The following KCNQ5 variants were observed in gnomAD, a reference collection of about 807,000 sequenced individuals.
KCNQ5 encodes potassium voltage-gated channel subfamily Q member 5.
A neutral mutation model predicts 98.2 loss-of-function variants in KCNQ5; 30 were observed. The ratio of observed to expected loss-of-function variants is 0.31; its 90% CI spans 0.23 to 0.41. The LOEUF (loss-of-function observed/expected upper bound fraction) is 0.41. Among genes scored for constraint, KCNQ5 ranks in the 10% least tolerant of loss-of-function variants. KCNQ5 has a pLI of 1.00. For synonymous variants in KCNQ5, 458 were observed against 449.4 expected (o/e 1.02, Z -0.24); for missense variants, 835 against 1,182.5 (o/e 0.71, Z 4.31).
At chr6:72,955,698 G>A (rs1767008655) in intron 1 of KCNQ5, among the ~76,000 whole-genome samples, 1 of 152,102 alleles carries the variant, frequency 6.6e-6, no homozygotes, top group Non-Finnish European at 1.5e-5. Context: ...TTTGCATTTT[G>A]TACTTTGAAA....
chr6:73,081,542 C>A (rs1047642589), intron 5 of KCNQ5, among the ~76,000 whole-genome samples: 3 of 152,072 alleles, frequency 2.0e-5, no homozygotes, highest in South Asian at 2.1e-4. Context: ...TTGAGTGAGA[C>A]CCTGCCTCAA....
At chr6:72,729,929 G>A (rs1273889978) in intron 1 of KCNQ5, among the ~76,000 whole-genome samples, 5 of 152,194 alleles carry the variant, frequency 3.3e-5, no homozygotes, top group Non-Finnish European at 7.3e-5. Context: ...GGGAGGCCGA[G>A]GTGGGAGGAA....
chr6:72,738,192 A>G (rs185364711), intron 1 of KCNQ5, among the ~76,000 whole-genome samples: 19 of 152,156 alleles, frequency 1.2e-4, no homozygotes, highest in African/African-American at 3.9e-4. Flanking sequence ...TGGGTGAAAA[A>G]ACTTTGAAAA....
intron 2 of KCNQ5, among the ~76,000 whole-genome samples, chr6:73,026,337 T>C (rs1449257763): frequency 6.6e-6 from 1 of 152,200 alleles, no homozygotes; most frequent in Non-Finnish European, 1.5e-5. Context: ...TTTTACCCAG[T>C]CTACTTCAGC....
chr6:72,627,055 G>A (rs1452330422), intron 1 of KCNQ5, among the ~76,000 whole-genome samples: 4 of 152,134 alleles, frequency 2.6e-5, no homozygotes, highest in African/African-American at 9.7e-5. Flanking sequence ...TAAGTGGTGG[G>A]AACATAGCAG....
At chr6:73,160,493 C>T (rs1777577396) in intron 10 of KCNQ5, among the ~76,000 whole-genome samples, 1 of 152,206 alleles carries the variant, frequency 6.6e-6, no homozygotes, top group Non-Finnish European at 1.5e-5. Context: ...CTGAGGCCTT[C>T]AAGCTCAATT....
chr6:72,964,971 T>G, intron 1 of KCNQ5, among the ~76,000 whole-genome samples: 1 of 152,338 alleles, frequency 6.6e-6, no homozygotes, highest in East Asian at 1.9e-4. Context: ...GGTTTACGTT[T>G]TATTTATCTA....
chr6:72,983,694 T>C lies in KCNQ5; in HGVS notation c.399-20214T>C, dbSNP rs148526924. Among the ~76,000 whole-genome samples the C allele has an allele frequency of 5.9e-3, 892 of 152,354 alleles. 10 individuals carry two copies. Among genetic ancestry groups the C allele is most frequent in the South Asian group, 0.045 (216 of 4,824 alleles). ...TTCTGCCAACTTGTCAAAGTCATTC[T>C]CTGTCCAGTTTTGTTCCATTGCTGG... is the stretch of plus-strand genomic sequence containing the variant. On this transcript the variant is annotated intron_variant, in intron 1 of 13. Coordinates refer to ENST00000370398, the MANE Select transcript of KCNQ5 (RefSeq NM_019842.4).
At chr6:72,641,129 T>A (rs759445053) in intron 1 of KCNQ5, among the ~76,000 whole-genome samples, 10 of 152,142 alleles carry the variant, frequency 6.6e-5, no homozygotes, top group Non-Finnish European at 1.3e-4. Context: ...CTTTAAAGGA[T>A]CTAATAAGTG....
At chr6:73,036,152 C>T (rs770280418) in intron 2 of KCNQ5, among the ~76,000 whole-genome samples, 4 of 151,640 alleles carry the variant, frequency 2.6e-5, no homozygotes, top group South Asian at 2.1e-4. Flanking sequence ...TTTGGGAGGC[C>T]GAGGCAGGCA....
Position 73,120,504 on chromosome 6 carries a change from G to T in KCNQ5, c.1147G>T (p.Ala383Ser). ...GCAGTGTGTTTGGCGTAGTTACGCA[G>T]CTGATGAGAAATCTGTTTCCATTGC... ...LIQCVWRSYA[A>S]DEKSVSIATW... is the part of the protein sequence containing the mutation. Residue 383 changes from alanine to serine, a missense_variant, in exon 8 of 14, where the codon GCT becomes TCT. Transcript: ENST00000370398. 6.2e-7 allele frequency: 1 copy of T among 1,612,548 alleles called. No homozygotes were observed. The highest frequency in any genetic ancestry group is 8.5e-7 in the Non-Finnish European group (1 of 1,179,004).
chr6:72,791,086 G>C (rs952108185), intron 1 of KCNQ5, among the ~76,000 whole-genome samples: 1 of 152,198 alleles, frequency 6.6e-6, no homozygotes, highest in Non-Finnish European at 1.5e-5. Context: ...CTTGGAAAGT[G>C]GATGAGAATG....
intron 1 of KCNQ5, among the ~76,000 whole-genome samples, chr6:72,892,602 G>T (rs1306945561): frequency 6.6e-6 from 1 of 152,038 alleles, no homozygotes; most frequent in Admixed American, 6.6e-5. Flanking sequence ...ATGCCTGGGA[G>T]CTATTATTCA....
intron 1 of KCNQ5, among the ~76,000 whole-genome samples, chr6:72,954,691 T>C (rs1442115022): frequency 1.3e-5 from 2 of 152,176 alleles, no homozygotes; most frequent in African/African-American, 4.8e-5. Context: ...GAAAGCATGA[T>C]ATGACTACAA....
chr6:72,852,920 C>T (rs1249983365), intron 1 of KCNQ5, among the ~76,000 whole-genome samples: 1 of 151,724 alleles, frequency 6.6e-6, no homozygotes, highest in Admixed American at 6.6e-5. Flanking sequence ...AGAGAGCTAC[C>T]ATTACAGACT....
intron 1 of KCNQ5, among the ~76,000 whole-genome samples, chr6:72,766,077 G>A (rs1772553676): frequency 1.3e-5 from 2 of 152,152 alleles, no homozygotes; most frequent in South Asian, 2.1e-4. Flanking sequence ...GGGGAATTAA[G>A]AGTGATGGGT....
At chr6:72,627,724 C>G (rs924999284) in intron 1 of KCNQ5, among the ~76,000 whole-genome samples, 7 of 152,156 alleles carry the variant, frequency 4.6e-5, no homozygotes, top group Non-Finnish European at 7.4e-5. Flanking sequence ...TATATAGCTA[C>G]TCCCCTCTAA....
intron 3 of KCNQ5, among the ~76,000 whole-genome samples, chr6:73,061,802 T>C (rs999394269): frequency 6.6e-6 from 1 of 152,194 alleles, no homozygotes; most frequent in African/African-American, 2.4e-5. Flanking sequence ...TAATGCCTGG[T>C]GTTTAATCAA....
chr6:73,166,137 G>A (rs540227033), intron 10 of KCNQ5, among the ~76,000 whole-genome samples: 2 of 151,744 alleles, frequency 1.3e-5, no homozygotes, highest in South Asian at 4.2e-4. Flanking sequence ...AGAGGTAATG[G>A]TAAAACACAC....
Sources: gnomAD v4.1 joint callset for allele counts (sites outside exome capture counted in the v4.1 genomes callset) on GRCh38, gnomAD v4.1.1 for gene constraint, MANE v1.5 for transcripts, NCBI Gene and HGNC (gene_info 2026-07-23, HGNC 2026-07-21) for gene names.